The following ECE1 variants were observed in gnomAD, a reference collection of about 807,000 sequenced individuals.
ECE1 encodes the protein endothelin converting enzyme 1.
Under a neutral mutation model 98.6 loss-of-function variants are expected in ECE1, and 35 were observed. The observed-to-expected ratio is 0.35, with a 90% CI of 0.27 to 0.47. The LOEUF (loss-of-function observed/expected upper bound fraction) is 0.47, where lower values mean the gene tolerates loss of function less well. Ranked by LOEUF, ECE1 falls within the 20% of genes least tolerant of loss-of-function variation. The pLI is 1.00. For synonymous variants in ECE1, 394 were observed against 407.1 expected (o/e 0.97, Z 0.39); for missense variants, 814 against 1,025.3 (o/e 0.79, Z 2.81).
At chr1:21,282,222 C>T (rs931559902) in intron 2 of ECE1, among the ~76,000 whole-genome samples, 4 of 151,078 alleles carry the variant, frequency 2.6e-5, no homozygotes, top group African/African-American at 7.3e-5. Context: ...CCCGGAAGGT[C>T]GAGGCTGCAG....
chr1:21,256,243 G>A, intron 7 of ECE1, 105 bp from the exon 8 acceptor site: 1 of 1,331,342 alleles, frequency 7.5e-7, no homozygotes, highest in Non-Finnish European at 1.0e-6. Flanking sequence ...GGGAGCCAGG[G>A]GGCTGCACAG....
At chr1:21,284,069 C>A (rs998827626) in intron 2 of ECE1, among the ~76,000 whole-genome samples, 2 of 152,170 alleles carry the variant, frequency 1.3e-5, no homozygotes, top group African/African-American at 4.8e-5. Context: ...AGGGCTGGGC[C>A]GTGAGTCAGG....
At chr1:21,276,256 C>T (rs2098247029) in intron 3 of ECE1, among the ~76,000 whole-genome samples, 1 of 152,096 alleles carries the variant, frequency 6.6e-6, no homozygotes, top group Non-Finnish European at 1.5e-5. Flanking sequence ...GAACTCTTGA[C>T]CTCAGGTGAT....
Position 21,233,759 on chromosome 1 carries a change from T to C in ECE1, c.1567-98A>G. ...GGCTGTCATGGTTAAGAGATTAATC[T>C]GCAGGCTGGAGACCGGAATGCAGGG... On this transcript the variant is annotated intron_variant, in intron 13 of 18. Coordinates refer to ENST00000374893, the MANE Select transcript of ECE1 (RefSeq NM_001397.3). This position sits in a 1 kb window ranked among gnomAD's most constrained non-coding sequence, Gnocchi z 4.0. The C allele has an allele frequency of 8.5e-7, 1 of 1,181,384 alleles. No individual in the cohort carries two copies. The highest frequency in any genetic ancestry group is 1.2e-6 in the Non-Finnish European group (1 of 808,910). 73.2% of individuals were successfully genotyped at this position (1,181,384 alleles called of 1,614,324 possible).
chr1:21,309,521 C>T (rs764036656), intron 1 of ECE1, among the ~76,000 whole-genome samples: 3 of 152,172 alleles, frequency 2.0e-5, no homozygotes, highest in Admixed American at 2.0e-4. Flanking sequence ...TGAGTCAATG[C>T]GTCGGAGCTC....
intron 10 of ECE1, 53 bp from the exon 11 acceptor site, chr1:21,238,297 C>T: frequency 1.4e-6 from 2 of 1,454,426 alleles, no homozygotes; most frequent in Non-Finnish European, 1.9e-6. Context: ...TGTTTCCCAA[C>T]CCCTTTCTTG....
rs2098162761 is a variant in ECE1, at chr1:21,217,938, G to A, written c.*2017C>T. 6.5e-6 allele frequency: 1 copy of A among 152,704 alleles called. No individual in the cohort carries two copies. 9.5% of individuals were successfully genotyped at this position (152,704 alleles called of 1,614,324 possible). ...GATTCCAGCTTCCCGGGTGAGGGGA[G>A]AGCACTGTCCAGGCAGGGCTGGGCC... On this transcript the variant is annotated 3_prime_UTR_variant, in exon 19 of 19. Transcript: ENST00000374893.
chr1:21,281,979 A>G (rs939396918), intron 2 of ECE1, among the ~76,000 whole-genome samples: 1 of 152,132 alleles, frequency 6.6e-6, no homozygotes, highest in African/African-American at 2.4e-5. Flanking sequence ...CACCTGGATG[A>G]GACCTTGGTT....
chr1:21,223,120 G>A (rs2098169580), intron 17 of ECE1, among the ~76,000 whole-genome samples: 1 of 150,430 alleles, frequency 6.6e-6, no homozygotes, highest in Non-Finnish European at 1.5e-5. Flanking sequence ...AACCACAGAT[G>A]CACGCCACCA....
At chr1:21,321,721 T>C (rs1459706313) in intron 1 of ECE1, among the ~76,000 whole-genome samples, 1 of 152,180 alleles carries the variant, frequency 6.6e-6, no homozygotes, top group African/African-American at 2.4e-5. Context: ...GTTCAAGCGA[T>C]TCTCCTGCCT....
At chr1:21,328,639 T>C (rs1169566881) in intron 1 of ECE1, among the ~76,000 whole-genome samples, 1 of 151,928 alleles carries the variant, frequency 6.6e-6, no homozygotes, top group Non-Finnish European at 1.5e-5. Context: ...GGCGGGCGCC[T>C]GTGATCCCAG....
intron 1 of ECE1, among the ~76,000 whole-genome samples, chr1:21,297,765 G>A (rs1195815772): frequency 1.3e-5 from 2 of 151,512 alleles, no homozygotes; most frequent in Non-Finnish European, 2.9e-5. Flanking sequence ...TCGAACTCCT[G>A]ACTTCAGATG....
At chr1:21,341,254 C>A (rs1277499563) in intron 1 of ECE1, among the ~76,000 whole-genome samples, 1 of 152,238 alleles carries the variant, frequency 6.6e-6, no homozygotes, top group Admixed American at 6.5e-5. Context: ...AGAGACCTAT[C>A]AGTCTCACTC....
intron 1 of ECE1, among the ~76,000 whole-genome samples, chr1:21,324,353 T>C (rs916745256): frequency 2.6e-5 from 4 of 152,226 alleles, no homozygotes; most frequent in East Asian, 3.9e-4. Context: ...CAGAGGCCCA[T>C]CCCCAAGGGA....
upstream of ECE1, among the ~76,000 whole-genome samples, chr1:21,294,806 G>A (rs1333564385): frequency 6.6e-6 from 1 of 152,192 alleles, no homozygotes; most frequent in East Asian, 1.9e-4. This position sits in a 1 kb window ranked among gnomAD's most constrained non-coding sequence, Gnocchi z 4.2. Flanking sequence ...AGCCCCACAT[G>A]TGAAATTCTG....
Position 21,272,692 on chromosome 1 carries a change from T to C in ECE1, c.493+7A>G, listed in dbSNP as rs1343954486. The C allele has an allele frequency of 3.7e-6, 6 of 1,614,120 alleles. No homozygotes were observed. The South Asian group carries it at 5.5e-5, about 15-fold the overall frequency. On this transcript the variant is annotated splice_region_variant and intron_variant, in intron 4 of 18. Coordinates refer to ENST00000374893, the MANE Select transcript of ECE1 (RefSeq NM_001397.3). The stretch of plus-strand genomic sequence containing the variant: ...CCCATTTATTGGTCTCCATGCTGGA[T>C]GCTTACCGAGGAGGTGCTTGATGAT...
upstream of ECE1, chr1:21,293,904 C>A (rs1171799334): frequency 1.5e-4 from 23 of 152,674 alleles, no homozygotes; most frequent in Admixed American, 1.5e-3. Flanking sequence ...CCAACCATGC[C>A]ACTTGACAAA....
At chr1:21,279,464 T>G in intron 2 of ECE1, 132 bp from the exon 3 acceptor site, 1 of 1,541,108 alleles carries the variant, frequency 6.5e-7, no homozygotes, top group Non-Finnish European at 8.8e-7. Context: ...AGGGGTGGTC[T>G]GGTTCCCACA....
intron 4 of ECE1, among the ~76,000 whole-genome samples, chr1:21,271,690 G>A (rs968154003): frequency 1.3e-5 from 2 of 152,110 alleles, no homozygotes; most frequent in Non-Finnish European, 2.9e-5. Flanking sequence ...CCAGTGGGCA[G>A]ACGGGAATCC....
Sources: gnomAD v4.1 joint callset for allele counts (sites outside exome capture counted in the v4.1 genomes callset) on GRCh38, gnomAD v4.1.1 for gene constraint, Gnocchi (gnomAD v3.1) non-coding constraint, MANE v1.5 for transcripts, NCBI Gene and HGNC (gene_info 2026-07-23, HGNC 2026-07-21) for gene names.